The following TPTE2 variants were observed in gnomAD, a reference collection of about 807,000 sequenced individuals.
TPTE2 encodes phosphatidylinositol 3,4,5-trisphosphate 3-phosphatase TPTE2.
In TPTE2, 53 loss-of-function variants were observed where a neutral mutation model predicts 78.6. The observed-to-expected ratio is 0.67, with a 90% CI of 0.54 to 0.85. TPTE2 has a LOEUF of 0.85. Among genes scored for constraint, TPTE2 ranks in the 40% least tolerant of loss-of-function variants. The probability of loss-of-function intolerance (pLI) is 0.00; values close to 1 mark genes in which losing one functional copy is unlikely to be tolerated. For missense variants in TPTE2, 461 were observed against 623.0 expected (o/e 0.74, Z 2.77); for synonymous variants, 175 against 206.2 (o/e 0.85, Z 1.30).
intron 4 of TPTE2, among the ~76,000 whole-genome samples, chr13:19,478,593 A>T (rs559189229): frequency 2.7e-4 from 41 of 152,328 alleles, no homozygotes; most frequent in African/African-American, 8.7e-4. Flanking sequence ...ATTGTGGAAG[A>T]CAGTGTGGTG....
At chr13:19,478,071 T>C (rs1485799194) in intron 4 of TPTE2, among the ~76,000 whole-genome samples, 1 of 152,132 alleles carries the variant, frequency 6.6e-6, no homozygotes, top group Non-Finnish European at 1.5e-5. Flanking sequence ...AACTCAAAAT[T>C]AGGTAAGTCT....
chr13:19,454,671 A>G (rs1483905506), intron 10 of TPTE2, among the ~76,000 whole-genome samples: 1 of 152,228 alleles, frequency 6.6e-6, no homozygotes, highest in African/African-American at 2.4e-5. Context: ...TACTTTGTCA[A>G]TGCCCCAAGG....
the TPTE2 span, among the ~76,000 whole-genome samples, chr13:19,543,789 G>A: frequency 3.3e-5 from 5 of 152,146 alleles, no homozygotes; most frequent in Non-Finnish European, 5.9e-5. Context: ...GAGGCCAGGC[G>A]CCATGGCTCA....
chr13:19,556,187 A>G, the TPTE2 span, among the ~76,000 whole-genome samples: 1 of 152,164 alleles, frequency 6.6e-6, no homozygotes, highest in Non-Finnish European at 1.5e-5. Flanking sequence ...TGCATTTTGC[A>G]CTTCCTTTTT....
At chr13:19,502,533 T>C (rs1279474217) in intron 1 of TPTE2, among the ~76,000 whole-genome samples, 1 of 149,230 alleles carries the variant, frequency 6.7e-6, no homozygotes. Context: ...TCATTCTCAG[T>C]AAACTATCGC....
chr13:19,447,672 T>C (rs543666216), intron 13 of TPTE2, among the ~76,000 whole-genome samples: 1 of 152,280 alleles, frequency 6.6e-6, no homozygotes, highest in Non-Finnish European at 1.5e-5. Context: ...TCCTGGAATT[T>C]GATATAAAAA....
At chr13:19,442,605 A>G (rs1337313102) in intron 13 of TPTE2, among the ~76,000 whole-genome samples, 4 of 152,146 alleles carry the variant, frequency 2.6e-5, no homozygotes, top group Admixed American at 1.3e-4. Flanking sequence ...AATAGAGACC[A>G]CCAATAAGGC....
At chr13:19,438,382 T>C in intron 13 of TPTE2, 1 of 985,332 alleles carries the variant, frequency 1.0e-6, no homozygotes, top group East Asian at 1.1e-4. Flanking sequence ...TCACCATCTC[T>C]CCACAAAAGG....
At chr13:19,478,710 T>C (rs979550523) in intron 4 of TPTE2, among the ~76,000 whole-genome samples, 163 of 152,152 alleles carry the variant, frequency 1.1e-3, no homozygotes, top group Non-Finnish European at 2.0e-3. Context: ...CACATGCACA[T>C]GTATGTTTAT....
intron 10 of TPTE2, among the ~76,000 whole-genome samples, chr13:19,463,217 A>G (rs1003701755): frequency 1.3e-4 from 20 of 151,766 alleles, no homozygotes; most frequent in Admixed American, 1.3e-3. Context: ...CCTGGCCTCA[A>G]GTGATCCACT....
chr13:19,522,619 C>CTTTTTTTTTTTTTTTTTTTTTTTTTTTT (rs57248346), intron 1 of TPTE2, among the ~76,000 whole-genome samples: 1 of 121,648 alleles, frequency 8.2e-6, no homozygotes, highest in Non-Finnish European at 1.6e-5. Context: ...CTTTTTTTTT[C>CTTTTTTTTTTTTTTTTTTTTTTTTTTTT]TTTTTTTTTT....
At chr13:19,559,312 T>C in the TPTE2 span, among the ~76,000 whole-genome samples, 1 of 152,232 alleles carries the variant, frequency 6.6e-6, no homozygotes, top group Non-Finnish European at 1.5e-5. Context: ...GCAGCAAATA[T>C]ACATTAAAAT....
exon 1 of TPTE2, chr13:19,536,608 C>T (rs1484911803): frequency 6.6e-6 from 1 of 151,734 alleles, no homozygotes; most frequent in Non-Finnish European, 1.5e-5. Flanking sequence ...TTTCACTCAG[C>T]GTTGTTTCTG....
intron 13 of TPTE2, among the ~76,000 whole-genome samples, chr13:19,446,515 G>A (rs1441399070): frequency 6.6e-6 from 1 of 152,116 alleles, no homozygotes; most frequent in Non-Finnish European, 1.5e-5. Context: ...TACTAAAAAT[G>A]GAACTTGAAT....
Position 19,468,703 on chromosome 13 carries a change from C to A in TPTE2, c.393-1359G>T, listed in dbSNP as rs144264448. On this transcript the variant is annotated intron_variant, in intron 6 of 19. Transcript: ENST00000400230. ...TTATTGCCTGACTTTTGGATATAAA[C>A]CATTTTAGCTGGGGTGAGATGATAT... Among the ~76,000 whole-genome samples, 436 of 152,290 alleles carry A rather than the reference C, an allele frequency of 2.9e-3. 2 individuals carry two copies. Among genetic ancestry groups the A allele is most frequent in the Non-Finnish European group, 4.8e-3 (327 of 68,026 alleles).
chr13:19,537,373 A>G (rs1371697771), upstream of TPTE2, among the ~76,000 whole-genome samples: 25 of 151,346 alleles, frequency 1.7e-4, no homozygotes, highest in Admixed American at 1.7e-3. Flanking sequence ...AGCTGGGATT[A>G]CAGGCACCTG....
rs1295771089 is a variant in TPTE2 at position 19,486,768 on chromosome 13, G to T, written c.120-4221C>A. Among the ~76,000 whole-genome samples the T allele has an allele frequency of 6.6e-6, 1 of 152,186 alleles. No individual in the cohort carries two copies. The highest frequency in any genetic ancestry group is 6.5e-5 in the Admixed American group (1 of 15,288). Reference sequence around the variant, plus strand: ...AAGAGGGGGTGTTTCTCAGGCCTGGGATACAGTCAAATGACTTCTCAGCTG... The same window carrying T: ...AAGAGGGGGTGTTTCTCAGGCCTGGTATACAGTCAAATGACTTCTCAGCTG... On this transcript the variant is annotated intron_variant, in intron 3 of 19. Coordinates refer to ENST00000400230, the Ensembl canonical transcript of TPTE2. The surrounding 1 kb of genome is among the most constrained non-coding windows in gnomAD (Gnocchi z 4.3).
the TPTE2 span, chr13:19,561,048 G>C: frequency 1.6e-5 from 25 of 1,575,646 alleles, no homozygotes; most frequent in Non-Finnish European, 2.2e-5. Flanking sequence ...AGGGAGCTGA[G>C]CACCAGCTTC....
At position 19,451,273 on chromosome 13, in the gene TPTE2, A is replaced by G. The variant is rs778495085; in HGVS notation, c.742-48T>C. ...TTACATATTTACATGGCACCAACAC[A>G]AGCTATTTCCTAGGGGGAACCTAAA... On this transcript the variant is annotated intron_variant, in intron 10 of 19. Transcript: ENST00000400230. The G allele has an allele frequency of 6.8e-6, 11 of 1,610,418 alleles. No individual in the cohort carries two copies. The Admixed American group carries it at 1.8e-4, about 27-fold the overall frequency.
Sources: gnomAD v4.1 joint callset for allele counts (sites outside exome capture counted in the v4.1 genomes callset) on GRCh38, gnomAD v4.1.1 for gene constraint, Gnocchi (gnomAD v3.1) non-coding constraint, MANE v1.5 for transcripts, NCBI Gene and HGNC (gene_info 2026-07-23, HGNC 2026-07-21) for gene names.